VDR: variants seen among roughly 807,000 people sequenced by gnomAD.
VDR encodes the protein vitamin D receptor, also known as vitamin D3 receptor.
A neutral mutation model predicts 39.7 loss-of-function variants in VDR; 19 were observed. The ratio of observed to expected loss-of-function variants is 0.48; its 90% CI spans 0.33 to 0.70. The LOEUF (loss-of-function observed/expected upper bound fraction) is 0.70, where lower values mean the gene tolerates loss of function less well. VDR is among the 30% of genes least tolerant of loss of function. VDR has a pLI of 0.02. For synonymous variants in VDR, 242 were observed against 215.8 expected (o/e 1.12, Z -1.07); for missense variants, 442 against 570.5 (o/e 0.77, Z 2.29).
intron 3 of VDR, among the ~76,000 whole-genome samples, chr12:47,871,359 C>CTTTCTTTCTTTCA (rs1565622836): frequency 3.1e-5 from 1 of 31,750 alleles, no homozygotes; most frequent in Non-Finnish European, 6.1e-5. Context: ...TCTTTCTTTC[C>CTTTCTTTCTTTCA]TTTCTCTCTC....
chr12:47,888,113 A>G (rs1303815734), intron 1 of VDR, among the ~76,000 whole-genome samples: 1 of 152,184 alleles, frequency 6.6e-6, no homozygotes, highest in East Asian at 1.9e-4. Flanking sequence ...TACTTCTTAC[A>G]TGGCAGTGGC....
intron 7 of VDR, among the ~76,000 whole-genome samples, chr12:47,851,858 A>C (rs893532748): frequency 6.6e-6 from 1 of 152,172 alleles, no homozygotes; most frequent in Non-Finnish European, 1.5e-5. Flanking sequence ...AGTTTAACCC[A>C]TTTTGCATCA....
chr12:47,849,865 T>G (rs1592099617), intron 7 of VDR, among the ~76,000 whole-genome samples: 1 of 152,322 alleles, frequency 6.6e-6, no homozygotes. Flanking sequence ...TTTTAATTTT[T>G]TTTTTGAGAC....
Position 47,857,130 on chromosome 12 carries a change from T to C in VDR, c.582A>G (p.Ser194=). 1 of 1,614,076 alleles carries C rather than the reference T, an allele frequency of 6.2e-7. No homozygotes were observed. The highest frequency in any genetic ancestry group is 8.5e-7 in the Non-Finnish European group (1 of 1,179,962). ...SSCSDHCITS[S]DMMDSSSFSN... The stretch of plus-strand genomic sequence containing the variant: ...ATGGAGGACTGAAGTCCTGCTTACC[T>C]GAAGAGGTGATACAGTGATCTGAGC... Residue 194 remains serine (S), a splice_region_variant and synonymous_variant, in exon 6 of 10, where the codon TCA becomes TCG. Transcript: ENST00000549336.
intron 1 of VDR, among the ~76,000 whole-genome samples, chr12:47,899,461 T>A (rs1228463189): frequency 6.6e-6 from 1 of 152,182 alleles, no homozygotes; most frequent in Non-Finnish European, 1.5e-5. Context: ...ACACTGAGAT[T>A]TGGACAGATT....
chr12:47,898,532 G>A (rs1414714945), intron 1 of VDR: 3 of 153,804 alleles, frequency 2.0e-5, no homozygotes, highest in Non-Finnish European at 4.4e-5. Context: ...ATTCTTGTGA[G>A]TTTCTCATGA....
chr12:47,857,769 T>A, intron 4 of VDR, 81 bp from the exon 5 acceptor site: 1 of 1,505,768 alleles, frequency 6.6e-7, no homozygotes, highest in Non-Finnish European at 9.1e-7. Flanking sequence ...GGGGTAAAGG[T>A]CCAAGATAGG....
chr12:47,904,548 A>G (rs1335910441), intron 1 of VDR: 1 of 1,534,160 alleles, frequency 6.5e-7, no homozygotes, highest in African/African-American at 1.4e-5. Flanking sequence ...GTAAGACAAT[A>G]AATAAGGTTA....
intron 6 of VDR, 47 bp from the exon 7 acceptor site, chr12:47,855,848 C>T (rs1592105630): frequency 1.2e-6 from 2 of 1,610,168 alleles, no homozygotes; most frequent in Non-Finnish European, 8.5e-7. Flanking sequence ...GATACTTGGA[C>T]CAGGCCCCCT....
At chr12:47,865,794 G>A (rs1945721306) in intron 3 of VDR, among the ~76,000 whole-genome samples, 1 of 146,026 alleles carries the variant, frequency 6.8e-6, no homozygotes, top group African/African-American at 2.5e-5. Context: ...CTCACTGCAA[G>A]CTCCACCTCC....
chr12:47,846,618 G>C (rs760389340), intron 8 of VDR, 39 bp downstream of exon 8: 1 of 1,612,242 alleles, frequency 6.2e-7, no homozygotes, highest in South Asian at 1.1e-5. Flanking sequence ...GAATCTGGGA[G>C]CTGAAAAAGA....
At chr12:47,859,695 C>T (rs1378052234) in intron 4 of VDR, among the ~76,000 whole-genome samples, 2 of 152,188 alleles carry the variant, frequency 1.3e-5, no homozygotes, top group Admixed American at 1.3e-4. Context: ...TTATCTTCTG[C>T]TCTGTAAGAC....
chr12:47,857,914 AGG>A (rs1277737011), intron 4 of VDR, among the ~76,000 whole-genome samples: 2 of 152,066 alleles, frequency 1.3e-5, no homozygotes, highest in African/African-American at 4.8e-5. Flanking sequence ...AGGATTTGAG[AGG>A]GGGGATGATC....
intron 3 of VDR, among the ~76,000 whole-genome samples, chr12:47,865,909 G>A (rs569046046): frequency 1.2e-3 from 174 of 150,470 alleles, no homozygotes; most frequent in Non-Finnish European, 1.8e-3. Flanking sequence ...TAGAAATGGG[G>A]TTTCACCGTG....
chr12:47,887,383 TTTTTCTAAGACTCTTAGAC>T (rs1338622605), intron 1 of VDR, among the ~76,000 whole-genome samples: 1 of 150,676 alleles, frequency 6.6e-6, no homozygotes, highest in Admixed American at 6.6e-5. Flanking sequence ...AAAGGATCCC[TTTTTCTAAGACTCTTAGAC>T]TTTTCTAAGA....
At chr12:47,867,027 C>T (rs1459821960) in intron 3 of VDR, among the ~76,000 whole-genome samples, 3 of 142,756 alleles carry the variant, frequency 2.1e-5, no homozygotes, top group African/African-American at 7.9e-5. Flanking sequence ...CAAAAAAAAC[C>T]CAGAAAACTA....
intron 6 of VDR, 68 bp downstream of exon 6, chr12:47,857,061 C>T: frequency 1.9e-6 from 3 of 1,609,184 alleles, no homozygotes; most frequent in Non-Finnish European, 1.7e-6. Flanking sequence ...TCCAGCAGCC[C>T]CAGGGCAGGT....
In VDR at chr12:47,859,925, T is replaced by C. The variant is rs569523038; in HGVS notation, c.278-2237A>G. On this transcript the variant is annotated intron_variant, in intron 4 of 9. Coordinates refer to ENST00000549336, the MANE Select transcript of VDR (RefSeq NM_000376.3). ...TCCTTCCTTCCTTCCTTCTTTCTTTTTCTTTCTTTCTTTCTTTCTTTCTTT... is the reference window on the plus strand; with the variant it reads ...TCCTTCCTTCCTTCCTTCTTTCTTTCTCTTTCTTTCTTTCTTTCTTTCTTT... Among the ~76,000 whole-genome samples the C allele has an allele frequency of 8.5e-4, 44 of 51,908 alleles. No homozygotes were observed. In the East Asian group the frequency reaches 9.0e-3, roughly 11 times the overall value. 34.1% of individuals were successfully genotyped at this position (51,908 alleles called of 152,430 possible).
chr12:47,854,716 T>G (rs1460376872), intron 7 of VDR, among the ~76,000 whole-genome samples: 1 of 152,260 alleles, frequency 6.6e-6, no homozygotes, highest in Non-Finnish European at 1.5e-5. Flanking sequence ...GGATCCTGGC[T>G]GGCCATTGGA....
Sources: allele counts gnomAD v4.1 joint callset (sites outside exome capture counted in the v4.1 genomes callset), GRCh38; gene constraint gnomAD v4.1.1; transcripts MANE v1.5; gene names NCBI Gene and HGNC (gene_info 2026-07-23, HGNC 2026-07-21).